CNOT4: variants seen among roughly 807,000 people sequenced by gnomAD.
CNOT4 encodes CCR4-NOT transcription complex subunit 4.
A neutral mutation model predicts 73.8 loss-of-function variants in CNOT4; 8 were observed. That is an observed-to-expected ratio of 0.11 (90% CI 0.06 to 0.20). The LOEUF (loss-of-function observed/expected upper bound fraction) is 0.20, where lower values mean the gene tolerates loss of function less well. Ranked by LOEUF, CNOT4 falls within the 10% of genes least tolerant of loss-of-function variation. The pLI, the probability that CNOT4 is intolerant of heterozygous loss-of-function variation, is 1.00. For synonymous variants in CNOT4, 293 were observed against 321.1 expected (o/e 0.91, Z 0.94); for missense variants, 564 against 883.4 (o/e 0.64, Z 4.58).
intron 1 of CNOT4, among the ~76,000 whole-genome samples, chr7:135,448,568 G>A (rs1332303797): frequency 6.6e-6 from 1 of 151,080 alleles, no homozygotes; most frequent in African/African-American, 2.4e-5. Flanking sequence ...AGGGAAGGAA[G>A]GAAGGAAGGA....
intron 1 of CNOT4, among the ~76,000 whole-genome samples, chr7:135,447,828 T>C (rs922653463): frequency 6.6e-6 from 1 of 152,224 alleles, no homozygotes; most frequent in African/African-American, 2.4e-5. Flanking sequence ...CCTCTGGGTC[T>C]GAACAAATTG....
chr7:135,395,599 C>A, intron 9 of CNOT4, 35 bp downstream of exon 9: 1 of 1,589,300 alleles, frequency 6.3e-7, no homozygotes, highest in Non-Finnish European at 8.6e-7. Context: ...ACGTTAAGAG[C>A]ATAATTACTA....
At chr7:135,390,049 G>A (rs1245840104) in intron 10 of CNOT4, among the ~76,000 whole-genome samples, 2 of 152,004 alleles carry the variant, frequency 1.3e-5, no homozygotes, top group Non-Finnish European at 2.9e-5. Flanking sequence ...CTATCAAGTC[G>A]ATACACTTTA....
intron 10 of CNOT4, among the ~76,000 whole-genome samples, chr7:135,381,467 G>A (rs1795842790): frequency 6.6e-6 from 1 of 152,168 alleles, no homozygotes; most frequent in African/African-American, 2.4e-5. Flanking sequence ...CTCTTGCCTA[G>A]AGCTCCTTGC....
chr7:135,407,291 A>G (rs1203083547), intron 7 of CNOT4, among the ~76,000 whole-genome samples: 1 of 152,264 alleles, frequency 6.6e-6, no homozygotes, highest in Admixed American at 6.5e-5. Flanking sequence ...CAATGCAAGA[A>G]CAGACTAAAC....
intron 1 of CNOT4, among the ~76,000 whole-genome samples, chr7:135,448,485 G>A (rs1156961642): frequency 2.7e-5 from 4 of 149,336 alleles, no homozygotes; most frequent in South Asian, 2.2e-4. Context: ...CAGAGGTTGC[G>A]GTGAGCAGAG....
At chr7:135,383,251 C>T (rs1396578251) in intron 10 of CNOT4, among the ~76,000 whole-genome samples, 4 of 152,280 alleles carry the variant, frequency 2.6e-5, no homozygotes, top group African/African-American at 9.6e-5. Context: ...TGCAAGTGAG[C>T]TTGGGAGAAG....
At chr7:135,387,102 T>C (rs931724775) in intron 10 of CNOT4, 1 of 983,938 alleles carries the variant, frequency 1.0e-6, no homozygotes, top group African/African-American at 1.7e-5. Flanking sequence ...ACAGTAAAAA[T>C]GAAAACCATA....
chr7:135,454,533 G>T (rs990499038), intron 1 of CNOT4, among the ~76,000 whole-genome samples: 8 of 151,720 alleles, frequency 5.3e-5, no homozygotes, highest in Non-Finnish European at 8.8e-5. Flanking sequence ...AAATAGCCAG[G>T]TGCGGTGGTA....
intron 2 of CNOT4, among the ~76,000 whole-genome samples, chr7:135,425,978 A>G (rs1798471714): frequency 6.6e-6 from 1 of 152,090 alleles, no homozygotes; most frequent in African/African-American, 2.4e-5. Flanking sequence ...CTGTAATTCC[A>G]GCACTTAGGG....
intron 3 of CNOT4, among the ~76,000 whole-genome samples, chr7:135,419,884 A>T (rs955469619): frequency 2.0e-5 from 3 of 150,582 alleles, no homozygotes; most frequent in Non-Finnish European, 4.4e-5. Flanking sequence ...CTCCACTAAA[A>T]ATCCAAAAAA....
intron 1 of CNOT4, 173 bp downstream of exon 1, chr7:135,509,716 G>C: frequency 3.8e-6 from 1 of 260,672 alleles, no homozygotes; most frequent in Non-Finnish European, 7.2e-6. Context: ...TGGCGTAAAG[G>C]GGAGAGGGAG....
At position 135,363,884 on chromosome 7, in the gene CNOT4, C is replaced by T. The variant is rs1463883820; in HGVS notation, c.1810G>A (p.Gly604Ser). The change falls in exon 11 of 12, where the codon GGC becomes AGC. Residue 604 changes from glycine to serine, a missense_variant. Coordinates refer to ENST00000541284, the MANE Select transcript of CNOT4 (RefSeq NM_001190850.2). This position sits in a 1 kb window ranked among gnomAD's most constrained non-coding sequence, Gnocchi z 4.3. ...ATGATGGCTGGGTCTGTCCAGCTGCCAGGGCTGTCCCAACTCAGGCTGTCG... is the reference window on the plus strand; with the variant it reads ...ATGATGGCTGGGTCTGTCCAGCTGCTAGGGCTGTCCCAACTCAGGCTGTCG... ...TTDSLSWDSP[G>S]SWTDPAIITG... 2.5e-6 allele frequency: 4 copies of T among 1,597,724 alleles called. No individual in the cohort carries two copies. The Admixed American group carries it at 5.0e-5, about 20-fold the overall frequency.
intron 1 of CNOT4, among the ~76,000 whole-genome samples, chr7:135,495,945 A>G (rs1478077814): frequency 6.6e-6 from 1 of 152,120 alleles, no homozygotes; most frequent in African/African-American, 2.4e-5. Context: ...AAAATAAAGA[A>G]AAAGAATAAT....
chr7:135,496,107 T>A (rs879822918), intron 1 of CNOT4, among the ~76,000 whole-genome samples: 5 of 152,214 alleles, frequency 3.3e-5, no homozygotes, highest in Admixed American at 2.6e-4. Flanking sequence ...TTTTTGTTTT[T>A]TGAGACAAGA....
intron 7 of CNOT4, among the ~76,000 whole-genome samples, chr7:135,405,850 C>T (rs1019277042): frequency 2.1e-4 from 32 of 152,152 alleles, no homozygotes; most frequent in African/African-American, 7.2e-4. Context: ...GAGAAAATCA[C>T]ATTTTAAGCT....
intron 1 of CNOT4, among the ~76,000 whole-genome samples, chr7:135,500,627 T>C (rs1236788776): frequency 6.6e-6 from 1 of 152,232 alleles, no homozygotes; most frequent in East Asian, 1.9e-4. Flanking sequence ...AATCTCCCTG[T>C]ATACTTCCTC....
intron 8 of CNOT4, 25 bp from the exon 9 acceptor site, chr7:135,395,908 A>C: frequency 6.6e-7 from 1 of 1,518,584 alleles, no homozygotes; most frequent in Non-Finnish European, 9.1e-7. Flanking sequence ...AAAACAAATA[A>C]TAACTACATG....
intron 1 of CNOT4, among the ~76,000 whole-genome samples, chr7:135,477,585 TTTCACTTTAC>T (rs1055266093): frequency 6.6e-6 from 1 of 152,234 alleles, no homozygotes; most frequent in Non-Finnish European, 1.5e-5. Flanking sequence ...CTGAACCCTT[TTTCACTTTAC>T]GTGACACTGC....
Sources: allele counts gnomAD v4.1 joint callset (sites outside exome capture counted in the v4.1 genomes callset), GRCh38; gene constraint gnomAD v4.1.1; non-coding constraint Gnocchi (gnomAD v3.1); transcripts MANE v1.5; gene names NCBI Gene and HGNC (gene_info 2026-07-23, HGNC 2026-07-21).